CLYBL: variants seen among roughly 807,000 people sequenced by gnomAD.
The protein encoded by CLYBL is citramalyl-CoA lyase.
A neutral mutation model predicts 38.9 loss-of-function variants in CLYBL; 31 were observed. The observed-to-expected ratio is 0.80, with a 90% CI of 0.60 to 1.08. The LOEUF is 1.08. Among genes scored for constraint, CLYBL ranks in the 50% least tolerant of loss-of-function variants. The pLI, the probability that CLYBL is intolerant of heterozygous loss-of-function variation, is 0.00. For synonymous variants in CLYBL, 171 were observed against 158.6 expected, an observed-to-expected ratio of 1.08 and a Z score of -0.59; for missense variants, 434 against 411.6, an observed-to-expected ratio of 1.05 and a Z score of -0.47.
At chr13:99,636,518 G>C (rs1426214478) in intron 1 of CLYBL, among the ~76,000 whole-genome samples, 1 of 151,970 alleles carries the variant, frequency 6.6e-6, no homozygotes, top group African/African-American at 2.4e-5. Flanking sequence ...TTGGACAGTG[G>C]GATCTGCTCC....
At chr13:99,866,616 A>G (rs1379744255) in intron 6 of CLYBL, among the ~76,000 whole-genome samples, 2 of 146,744 alleles carry the variant, frequency 1.4e-5, no homozygotes, top group Non-Finnish European at 3.0e-5. Flanking sequence ...CACTCATTTT[A>G]TTTCCTCTTT....
At chr13:99,664,678 A>G (rs2047455182) in intron 1 of CLYBL, among the ~76,000 whole-genome samples, 1 of 152,214 alleles carries the variant, frequency 6.6e-6, no homozygotes, top group African/African-American at 2.4e-5. Context: ...CCAGCTTTGT[A>G]TTGCCAGAAA....
intron 2 of CLYBL, among the ~76,000 whole-genome samples, chr13:99,793,126 C>T (rs984069519): frequency 4.0e-5 from 6 of 151,786 alleles, no homozygotes; most frequent in Non-Finnish European, 7.4e-5. Context: ...TACACATACA[C>T]GAATCCATTT....
chr13:99,750,664 A>G (rs1419876428), intron 1 of CLYBL, among the ~76,000 whole-genome samples: 1 of 146,180 alleles, frequency 6.8e-6, no homozygotes, highest in African/African-American at 2.6e-5. Context: ...AAAGAAGGAG[A>G]CTCTGCCTCA....
At chr13:99,882,252 C>G (rs997605252) in intron 7 of CLYBL, among the ~76,000 whole-genome samples, 2 of 152,198 alleles carry the variant, frequency 1.3e-5, no homozygotes, top group Non-Finnish European at 2.9e-5. Context: ...AGATTCTAGT[C>G]TCGTCCTCTT....
At chr13:99,695,674 C>G (rs927857782) in intron 1 of CLYBL, among the ~76,000 whole-genome samples, 3 of 152,130 alleles carry the variant, frequency 2.0e-5, no homozygotes, top group Non-Finnish European at 4.4e-5. Flanking sequence ...TACGCACCAC[C>G]ACACCTGGCT....
At chr13:99,769,154 A>C (rs1004507873) in intron 1 of CLYBL, among the ~76,000 whole-genome samples, 1 of 152,182 alleles carries the variant, frequency 6.6e-6, no homozygotes, top group Non-Finnish European at 1.5e-5. Context: ...GGCTCCCTCA[A>C]GCTATGTGCA....
At chr13:99,772,703 A>G (rs1176766335) in intron 1 of CLYBL, 121 bp from the exon 2 acceptor site, 1 of 882,268 alleles carries the variant, frequency 1.1e-6, no homozygotes, top group Non-Finnish European at 1.7e-6. Flanking sequence ...TCTCAAAAAA[A>G]TAAAAATAAA....
At chr13:99,744,598 C>T (rs1362418730) in intron 1 of CLYBL, among the ~76,000 whole-genome samples, 8 of 152,124 alleles carry the variant, frequency 5.3e-5, no homozygotes, top group Non-Finnish European at 8.8e-5. Flanking sequence ...AAGTGGAGAA[C>T]GCCTAATCCA....
intron 1 of CLYBL, among the ~76,000 whole-genome samples, chr13:99,759,309 G>T (rs1308909139): frequency 6.6e-6 from 1 of 152,164 alleles, no homozygotes; most frequent in Non-Finnish European, 1.5e-5. Context: ...GGAAAGCAGG[G>T]GATAAACAGA....
chr13:99,754,090 A>AAT (rs2049007592), intron 1 of CLYBL, among the ~76,000 whole-genome samples: 2 of 99,928 alleles, frequency 2.0e-5, no homozygotes. Flanking sequence ...TCGGTCTCAA[A>AAT]AAAAAAAAAA....
chr13:99,662,128 T>G (rs1362090968), intron 1 of CLYBL, among the ~76,000 whole-genome samples: 1 of 152,212 alleles, frequency 6.6e-6, no homozygotes, highest in Non-Finnish European at 1.5e-5. Flanking sequence ...TCCTTGCTAT[T>G]TTGTCCCTTT....
intron 2 of CLYBL, among the ~76,000 whole-genome samples, chr13:99,843,302 C>G (rs780615073): frequency 6.6e-6 from 1 of 152,160 alleles, no homozygotes; most frequent in African/African-American, 2.4e-5. Flanking sequence ...TATCATCTTT[C>G]GGGAATCAGG....
At chr13:99,649,109 T>C (rs972195008) in intron 1 of CLYBL, among the ~76,000 whole-genome samples, 11 of 152,130 alleles carry the variant, frequency 7.2e-5, no homozygotes, top group Admixed American at 3.9e-4. Flanking sequence ...GTACATCAGA[T>C]TCTGCCTGTG....
intron 1 of CLYBL, among the ~76,000 whole-genome samples, chr13:99,758,215 A>G (rs758407771): frequency 1.3e-5 from 2 of 152,208 alleles, no homozygotes; most frequent in African/African-American, 4.8e-5. Flanking sequence ...GAACCCCGTC[A>G]TGCTACGGGC....
At position 99,849,521 on chromosome 13, in the gene CLYBL, A is replaced by G. The variant is rs571051679; in HGVS notation, c.250-9340A>G. Among the ~76,000 whole-genome samples, 1 of 152,192 alleles carries G rather than the reference A, an allele frequency of 6.6e-6. No individual in the cohort carries two copies. The highest frequency in any genetic ancestry group is 2.1e-4 in the South Asian group (1 of 4,828). ...CAGCAAGACCCTGTCTCTTAAAAAA[A>G]GTCTGTGCAAAGTGTACGTCAAAGC... On this transcript the variant is annotated intron_variant, in intron 2 of 8. Transcript: ENST00000339105. This position sits in a 1 kb window ranked among gnomAD's most constrained non-coding sequence, Gnocchi z 4.9.
intron 9 of CLYBL, among the ~76,000 whole-genome samples, chr13:99,907,637 T>C (rs1228214651): frequency 6.6e-6 from 1 of 152,136 alleles, no homozygotes; most frequent in East Asian, 1.9e-4. Flanking sequence ...CCAGGAGGAT[T>C]GCCTGAGGCC....
At chr13:99,899,769 T>A (rs901469481), downstream of CLYBL, among the ~76,000 whole-genome samples, 1 of 152,180 alleles carries the variant, frequency 6.6e-6, no homozygotes, top group African/African-American at 2.4e-5. Context: ...GCACCTAGCA[T>A]CATGCTTGGC....
At chr13:99,814,016 T>C (rs995500063) in intron 2 of CLYBL, among the ~76,000 whole-genome samples, 1 of 152,234 alleles carries the variant, frequency 6.6e-6, no homozygotes, top group Non-Finnish European at 1.5e-5. Context: ...ATTTGGTTTC[T>C]TTCACTAATC....
Sources: gnomAD v4.1 joint callset for allele counts (sites outside exome capture counted in the v4.1 genomes callset) on GRCh38, gnomAD v4.1.1 for gene constraint, Gnocchi (gnomAD v3.1) non-coding constraint, MANE v1.5 for transcripts, NCBI Gene and HGNC (gene_info 2026-07-23, HGNC 2026-07-21) for gene names.